Variants in SNCAIP observed in about 807,000 individuals in gnomAD.
SNCAIP encodes synphilin-1.
Under a neutral mutation model 86.7 loss-of-function variants are expected in SNCAIP, and 43 were observed. That is an observed-to-expected ratio of 0.50 (90% CI 0.39 to 0.64). SNCAIP has a LOEUF of 0.64. Among genes scored for constraint, SNCAIP ranks in the 30% least tolerant of loss-of-function variants. The pLI is 0.00. For missense variants in SNCAIP, 981 were observed against 1,103.1 expected, an observed-to-expected ratio of 0.89 and a Z score of 1.57; for synonymous variants, 417 against 427.2, an observed-to-expected ratio of 0.98 and a Z score of 0.29.
At position 122,450,786 on chromosome 5, in the gene SNCAIP, G is replaced by C. The variant is rs149789738; in HGVS notation, c.1939G>C (p.Ala647Pro). 179 of 1,614,120 alleles carry C rather than the reference G, an allele frequency of 1.1e-4. 2 individuals carry two copies. The East Asian group carries it at 3.2e-3, about 29-fold the overall frequency. Reference sequence around the variant, plus strand: ...GTCCTTGGAATTCCAGGATGCTCAGGCTTCCTCTAGAAATTCTAAAAAGAT... The same window carrying C: ...GTCCTTGGAATTCCAGGATGCTCAGCCTTCCTCTAGAAATTCTAAAAAGAT... ...KLSLEFQDAQ[A>P]SSRNSKKIPL... Residue 647 changes from alanine to proline, a missense_variant, in exon 10 of 11, where the codon GCT becomes CCT. Coordinates refer to ENST00000261368, the MANE Select transcript of SNCAIP (RefSeq NM_005460.4).
chr5:122,428,108 G>T (rs1465261708), intron 5 of SNCAIP, among the ~76,000 whole-genome samples: 4 of 152,148 alleles, frequency 2.6e-5, no homozygotes, highest in Non-Finnish European at 4.4e-5. Flanking sequence ...ATTATTTTAA[G>T]ACTTAAATAG....
chr5:122,357,022 C>T (rs796101726), intron 1 of SNCAIP, among the ~76,000 whole-genome samples: 19 of 152,196 alleles, frequency 1.2e-4, no homozygotes, highest in African/African-American at 4.6e-4. Flanking sequence ...CCATAAAGCC[C>T]TGCATATTTG....
intron 1 of SNCAIP, among the ~76,000 whole-genome samples, chr5:122,339,021 A>G (rs748744100): frequency 1.3e-5 from 2 of 152,202 alleles, no homozygotes; most frequent in East Asian, 3.8e-4. Context: ...TTACGTGTAC[A>G]AAGGCAGGAA....
intron 8 of SNCAIP, among the ~76,000 whole-genome samples, chr5:122,448,039 C>A (rs865831968): frequency 1.3e-5 from 2 of 152,122 alleles, no homozygotes; most frequent in Non-Finnish European, 1.5e-5. Context: ...CTGAGAAAAA[C>A]AAAGTGCTTG....
At position 122,463,541 on chromosome 5, in the gene SNCAIP, T is replaced by C. The variant is rs1282692317; in HGVS notation, c.*45T>C. The C allele has an allele frequency of 1.2e-6, 2 of 1,607,414 alleles. No individual in the cohort carries two copies. The highest frequency in any genetic ancestry group is 1.7e-6 in the Non-Finnish European group (2 of 1,175,024). On this transcript the variant is annotated 3_prime_UTR_variant, in exon 11 of 11. Coordinates refer to ENST00000261368, the MANE Select transcript of SNCAIP (RefSeq NM_005460.4). ...AAGAAATCCTACAGCATAAAGCACA[T>C]TGCTGAGCCAGAGTCAAAAGAACTC...
At chr5:122,339,505 G>C (rs1757141273) in intron 1 of SNCAIP, among the ~76,000 whole-genome samples, 1 of 151,928 alleles carries the variant, frequency 6.6e-6, no homozygotes, top group Non-Finnish European at 1.5e-5. Flanking sequence ...TTAGCCAAAG[G>C]GGGAGAGGCA....
intron 1 of SNCAIP, among the ~76,000 whole-genome samples, chr5:122,346,252 A>C (rs187317410): frequency 1.3e-5 from 2 of 152,312 alleles, no homozygotes; most frequent in Admixed American, 1.3e-4. Context: ...TCTTCCTGGA[A>C]GTGTTAGCAA....
At chr5:122,362,959 A>C (rs1762472011) in intron 1 of SNCAIP, among the ~76,000 whole-genome samples, 1 of 151,494 alleles carries the variant, frequency 6.6e-6, no homozygotes, top group South Asian at 2.1e-4. Context: ...TTAAAACATT[A>C]GATTGAGTTT....
Position 122,451,616 on chromosome 5 carries a change from G to A in SNCAIP, c.2754+15G>A. On this transcript the variant is annotated intron_variant, in intron 10 of 10. Transcript: ENST00000261368. Reference sequence around the variant, plus strand: ...AGAATAAGGCAGTAAGTGCTATTTGGAGAATATTCTTTTTTTTCCTTCAAA... The same window carrying A: ...AGAATAAGGCAGTAAGTGCTATTTGAAGAATATTCTTTTTTTTCCTTCAAA... 1 of 1,526,670 alleles carries A rather than the reference G, an allele frequency of 6.6e-7. No individual in the cohort carries two copies. The highest frequency in any genetic ancestry group is 9.1e-7 in the Non-Finnish European group (1 of 1,100,712). 94.6% of individuals were successfully genotyped at this position (1,526,670 alleles called of 1,614,324 possible).
intron 1 of SNCAIP, among the ~76,000 whole-genome samples, chr5:122,331,426 A>G (rs1242635531): frequency 1.3e-5 from 2 of 152,232 alleles, no homozygotes; most frequent in Admixed American, 6.5e-5. Flanking sequence ...ATTAGTCTCT[A>G]CATATTTTCA....
intron 6 of SNCAIP, among the ~76,000 whole-genome samples, chr5:122,438,691 C>T (rs1168198857): frequency 6.6e-6 from 1 of 152,212 alleles, no homozygotes; most frequent in Non-Finnish European, 1.5e-5. Context: ...TTCCAAGAAT[C>T]TGTCCATGCC....
intron 1 of SNCAIP, among the ~76,000 whole-genome samples, chr5:122,335,239 C>T (rs892262833): frequency 2.0e-5 from 3 of 151,964 alleles, no homozygotes; most frequent in Admixed American, 6.6e-5. Context: ...GAACAATTGC[C>T]AAGGACTCGA....
At chr5:122,344,672 A>G (rs1043203520) in intron 1 of SNCAIP, among the ~76,000 whole-genome samples, 2 of 152,230 alleles carry the variant, frequency 1.3e-5, no homozygotes, top group Non-Finnish European at 2.9e-5. Flanking sequence ...AAGGAGGGTT[A>G]AGCACAATAT....
At chr5:122,445,771 G>A (rs1280478649) in intron 8 of SNCAIP, among the ~76,000 whole-genome samples, 1 of 149,258 alleles carries the variant, frequency 6.7e-6, no homozygotes, top group African/African-American at 2.5e-5. Context: ...CCTTGGTTGG[G>A]TGAAAGACCT....
intron 1 of SNCAIP, among the ~76,000 whole-genome samples, chr5:122,337,102 C>A (rs944882586): frequency 6.6e-6 from 1 of 152,172 alleles, no homozygotes; most frequent in Non-Finnish European, 1.5e-5. Context: ...GATTCCTAAT[C>A]CCATGCTTGA....
chr5:122,435,022 G>A (rs979581589), intron 6 of SNCAIP, among the ~76,000 whole-genome samples: 7 of 146,564 alleles, frequency 4.8e-5, no homozygotes, highest in South Asian at 2.3e-4. Flanking sequence ...AATTTGTGTC[G>A]TTTTTCTTGT....
chr5:122,450,577 C>T lies in SNCAIP; in HGVS notation c.1730C>T (p.Pro577Leu). ...PASRKSQWKS[P>L]DADDDSVAKS... ...TCCAGAAAGTCCCAGTGGAAATCTC[C>T]AGATGCAGATGATGATTCTGTAGCC... The change falls in exon 10 of 11, where the codon CCA (proline) becomes CTA (leucine). Residue 577 changes from proline (P) to leucine (L), a missense_variant. Transcript: ENST00000261368. 1 of 1,614,040 alleles carries T rather than the reference C, an allele frequency of 6.2e-7. No individual in the cohort carries two copies.
At chr5:122,451,822 TA>T (rs368445248) in intron 10 of SNCAIP, 5,571 of 450,156 alleles carry the variant, frequency 0.012, 11 homozygotes, top group African/African-American at 0.024. Flanking sequence ...AGAGAAAGGT[TA>T]AAAAAAAAAT....
intron 10 of SNCAIP, among the ~76,000 whole-genome samples, chr5:122,452,137 C>T (rs1260674118): frequency 5.3e-5 from 8 of 152,210 alleles, no homozygotes; most frequent in Non-Finnish European, 1.2e-4. Flanking sequence ...TTTTACAACA[C>T]AGACTCCTAA....
Sources: gnomAD v4.1 joint callset for allele counts (sites outside exome capture counted in the v4.1 genomes callset) on GRCh38, gnomAD v4.1.1 for gene constraint, MANE v1.5 for transcripts, NCBI Gene and HGNC (gene_info 2026-07-23, HGNC 2026-07-21) for gene names.